PLEKHG1: variants seen among roughly 807,000 people sequenced by gnomAD.
The protein encoded by PLEKHG1 is pleckstrin homology domain-containing family G member 1.
Under a neutral mutation model 100.8 loss-of-function variants are expected in PLEKHG1, and 44 were observed. The observed-to-expected ratio is 0.44, with a 90% CI of 0.34 to 0.56. The LOEUF is 0.56. Ranked by LOEUF, PLEKHG1 falls within the 20% of genes least tolerant of loss-of-function variation. PLEKHG1 has a pLI of 0.01. For synonymous variants in PLEKHG1, 640 were observed against 662.5 expected (o/e 0.97, Z 0.52); for missense variants, 1,545 against 1,720.9 (o/e 0.90, Z 1.81).
At chr6:150,798,399 G>C (rs1786484401) in intron 5 of PLEKHG1, among the ~76,000 whole-genome samples, 1 of 152,118 alleles carries the variant, frequency 6.6e-6, no homozygotes, top group Non-Finnish European at 1.5e-5. Flanking sequence ...TTCCAAAATT[G>C]CAAATTCAGA....
chr6:150,674,637 C>CTG (rs1779685210), intron 3 of PLEKHG1, among the ~76,000 whole-genome samples: 1 of 92,096 alleles, frequency 1.1e-5, no homozygotes, highest in Non-Finnish European at 2.3e-5. Flanking sequence ...TCCTCCCTCT[C>CTG]TCTCTCTCTC....
intron 12 of PLEKHG1, among the ~76,000 whole-genome samples, 190 bp downstream of exon 13, chr6:150,819,964 C>T (rs1776204858): frequency 1.3e-5 from 2 of 152,092 alleles, no homozygotes; most frequent in African/African-American, 4.8e-5. Context: ...AATCCTAGCA[C>T]TTTGGGAGGC....
chr6:150,619,911 A>G (rs1388886668), intron 1 of PLEKHG1, among the ~76,000 whole-genome samples: 1 of 152,058 alleles, frequency 6.6e-6, no homozygotes, highest in Non-Finnish European at 1.5e-5. Context: ...TTACTGCTTG[A>G]CTGCTTATAG....
chr6:150,729,703 G>A (rs563737733), intron 1 of PLEKHG1, among the ~76,000 whole-genome samples: 1 of 152,154 alleles, frequency 6.6e-6, no homozygotes, highest in East Asian at 1.9e-4. Flanking sequence ...TTAGTTTGGG[G>A]TGGTAAGCTT....
chr6:150,803,883 A>G (rs1259860786), intron 6 of PLEKHG1, among the ~76,000 whole-genome samples: 4 of 152,140 alleles, frequency 2.6e-5, no homozygotes, highest in Non-Finnish European at 5.9e-5. Context: ...GAGAGTGAGA[A>G]CTATATTTCT....
intron 2 of PLEKHG1, among the ~76,000 whole-genome samples, chr6:150,753,717 G>A (rs12663819): frequency 0.14 from 21,840 of 152,166 alleles, 2,451 homozygotes; most frequent in African/African-American, 0.31. Context: ...GAGTGAGGTG[G>A]GTGGGAAGAG....
At chr6:150,673,850 G>GC (rs1779652603) in intron 3 of PLEKHG1, among the ~76,000 whole-genome samples, 1 of 152,102 alleles carries the variant, frequency 6.6e-6, no homozygotes, top group Non-Finnish European at 1.5e-5. Context: ...TTTTTGTAGA[G>GC]ATGAGCTTTT....
rs1777169556 is a variant in PLEKHG1, at chr6:150,835,296, A to G, written c.3094+3091A>G. Among the ~76,000 whole-genome samples, 5 of 152,084 alleles carry G rather than the reference A, an allele frequency of 3.3e-5. No individual in the cohort carries two copies. In the South Asian group the frequency reaches 1.0e-3, roughly 32 times the overall value. On this transcript the variant is annotated intron_variant, in intron 15 of 15. Coordinates refer to ENST00000358517, the Ensembl canonical transcript of PLEKHG1. ...CTTTGGGTTTCTGGGTTTTTTGGTG[A>G]TGTTTCACATGGGAGAAAACTCCAT...
intron 5 of PLEKHG1, among the ~76,000 whole-genome samples, chr6:150,800,262 C>T (rs920738820): frequency 3.3e-5 from 5 of 152,076 alleles, no homozygotes; most frequent in East Asian, 1.9e-4. Context: ...AATGCTCTGA[C>T]GGGGGGCTGG....
chr6:150,688,843 G>A (rs1780240940), intron 3 of PLEKHG1, among the ~76,000 whole-genome samples: 2 of 152,012 alleles, frequency 1.3e-5, no homozygotes, highest in South Asian at 4.2e-4. Context: ...AATGGTTTTT[G>A]GTATATTACA....
At chr6:150,705,679 G>A (rs1780976612) in intron 3 of PLEKHG1, among the ~76,000 whole-genome samples, 1 of 152,194 alleles carries the variant, frequency 6.6e-6, no homozygotes. Context: ...GAGGATTAGG[G>A]GAAAATGGTT....
chr6:150,840,265 A>C, exon 16 of PLEKHG1: 7 of 1,614,194 alleles, frequency 4.3e-6, no homozygotes, highest in Non-Finnish European at 5.9e-6. Context: ...GCTAAATCTC[A>C]GCCTTATCAC....
intron 2 of PLEKHG1, among the ~76,000 whole-genome samples, chr6:150,762,177 C>G (rs1194927909): frequency 6.6e-6 from 1 of 151,434 alleles, no homozygotes; most frequent in Admixed American, 6.6e-5. Flanking sequence ...CCCCCTTTGT[C>G]TTCCCCTTTC....
chr6:150,655,567 C>T (rs1222959185), intron 3 of PLEKHG1, among the ~76,000 whole-genome samples: 4 of 151,774 alleles, frequency 2.6e-5, no homozygotes, highest in African/African-American at 9.7e-5. Context: ...GATTAGCTGG[C>T]CATGGTGGCG....
chr6:150,660,003 G>A (rs2128579487), intron 3 of PLEKHG1, among the ~76,000 whole-genome samples: 1 of 151,950 alleles, frequency 6.6e-6, no homozygotes, highest in South Asian at 2.1e-4. Flanking sequence ...AGCTAAGTTG[G>A]TTTCAGATAC....
intron 2 of PLEKHG1, among the ~76,000 whole-genome samples, chr6:150,762,744 C>T (rs1784230307): frequency 6.6e-6 from 1 of 152,160 alleles, no homozygotes; most frequent in South Asian, 2.1e-4. Context: ...GTAACTTCCT[C>T]CTCCCTAGGT....
intron 7 of PLEKHG1, among the ~76,000 whole-genome samples, chr6:150,808,397 C>T (rs116520545): frequency 8.1e-4 from 123 of 151,082 alleles, no homozygotes; most frequent in African/African-American, 2.9e-3. Flanking sequence ...GGAAGAAAGT[C>T]TTCAAGTCAA....
At chr6:150,790,378 G>T (rs1170861672) in intron 4 of PLEKHG1, among the ~76,000 whole-genome samples, 1 of 152,110 alleles carries the variant, frequency 6.6e-6, no homozygotes, top group African/African-American at 2.4e-5. Context: ...AACTAATTTA[G>T]ACTTTTTTAA....
chr6:150,700,108 G>A (rs1780706913), intron 3 of PLEKHG1, among the ~76,000 whole-genome samples: 1 of 152,164 alleles, frequency 6.6e-6, no homozygotes, highest in South Asian at 2.1e-4. Context: ...GTGAATCGGG[G>A]TGAACCTGCC....
Sources: gnomAD v4.1 joint callset for allele counts (sites outside exome capture counted in the v4.1 genomes callset) on GRCh38, gnomAD v4.1.1 for gene constraint, MANE v1.5 for transcripts, NCBI Gene and HGNC (gene_info 2026-07-23, HGNC 2026-07-21) for gene names.